Variants in AMZ2 observed in about 807,000 individuals in gnomAD.
AMZ2 encodes archaemetzincin-2.
In AMZ2, 26 loss-of-function variants were observed where a neutral mutation model predicts 36.7. The ratio of observed to expected loss-of-function variants is 0.71; its 90% CI spans 0.52 to 0.98. AMZ2 has a LOEUF of 0.98. AMZ2 is among the 50% of genes least tolerant of loss of function. The pLI is 0.00. For missense variants in AMZ2, 394 were observed against 430.5 expected, an observed-to-expected ratio of 0.92 and a Z score of 0.75; for synonymous variants, 144 against 149.1, an observed-to-expected ratio of 0.97 and a Z score of 0.25.
intron 1 of AMZ2, chr17:68,248,935 C>A (rs377321950): frequency 1.4e-6 from 1 of 694,478 alleles, no homozygotes; most frequent in African/African-American, 1.9e-5. Context: ...ATTAAACTGG[C>A]AAAATCTAAA....
intron 1 of AMZ2, among the ~76,000 whole-genome samples, chr17:68,232,222 C>T (rs1373389463): frequency 2.0e-5 from 3 of 151,024 alleles, no homozygotes; most frequent in Non-Finnish European, 4.4e-5. Context: ...TAGGGCTGGA[C>T]GTGATGTCTC....
At chr17:68,233,811 T>A (rs1315277754) in intron 1 of AMZ2, among the ~76,000 whole-genome samples, 1 of 152,030 alleles carries the variant, frequency 6.6e-6, no homozygotes, top group Non-Finnish European at 1.5e-5. Context: ...AGCCTCAACC[T>A]CCTGAGCCCA....
intron 1 of AMZ2, among the ~76,000 whole-genome samples, chr17:68,239,396 G>T (rs1309737875): frequency 6.6e-6 from 1 of 152,060 alleles, no homozygotes; most frequent in Non-Finnish European, 1.5e-5. Flanking sequence ...ATTTCCTCAG[G>T]GCAGTTGATA....
At chr17:68,247,309 C>A (rs1555736022), upstream of AMZ2, 2 of 138,000 alleles carry the variant, frequency 1.4e-5, no homozygotes, top group Admixed American at 8.1e-5. Flanking sequence ...GCACTCCAGC[C>A]TGGGCAACAG....
rs1555728656 is a variant in AMZ2, at chr17:68,221,895, A to T, written c.-67+15657A>T. Among the ~76,000 whole-genome samples, 6 of 152,328 alleles carry T rather than the reference A, an allele frequency of 3.9e-5. No individual in the cohort carries two copies. The South Asian group carries it at 1.0e-3, about 26-fold the overall frequency. On this transcript the variant is annotated intron_variant, in intron 1 of 7. Coordinates refer to the AMZ2 transcript ENST00000674770. ...GACAGAGTGAGACTCCATCTCAAAG[A>T]AAAAGAAAAACAAGAAGCAGAATGA...
At position 68,256,854 on chromosome 17, in the gene AMZ2, C is replaced by G; in HGVS notation, c.968C>G (p.Pro323Arg). 6.2e-7 allele frequency: 1 copy of G among 1,613,990 alleles called. No individual in the cohort carries two copies. Residue 323 changes from proline (P) to arginine (R), a missense_variant, in exon 7 of 7, where the codon CCT (proline) becomes CGT (arginine). Physicochemically the swap from Pro to Arg is moderately radical, Grantham distance 103. Transcript: ENST00000359904. ...ATTGATGATGAATCTTCTGACACAC[C>G]TGGAGCAACTCCAGAACACAGTCAC... Reference protein sequence around the residue: ...RWIDDESSDTPGATPEHSHED... With the variant: ...RWIDDESSDTRGATPEHSHED...
At chr17:68,249,171 G>A (rs2074252019) in intron 1 of AMZ2, 3 of 1,015,938 alleles carry the variant, frequency 3.0e-6, no homozygotes, top group Non-Finnish European at 3.7e-6. Flanking sequence ...AACTTCAGTG[G>A]CTAAGCTGTA....
chr17:68,253,284 GAGGAAGTTTGTTTTTGAATCAA>G (rs2074627948), intron 4 of AMZ2, among the ~76,000 whole-genome samples: 1 of 152,196 alleles, frequency 6.6e-6, no homozygotes, highest in East Asian at 1.9e-4. Flanking sequence ...AAAGGGAGGT[GAGGAAGTTTGTTTTTGAATCAA>G]ATTAGATTGG....
intron 1 of AMZ2, among the ~76,000 whole-genome samples, chr17:68,232,495 C>CAAA (rs139890887): frequency 0.027 from 2,890 of 106,802 alleles, 108 homozygotes; most frequent in African/African-American, 0.087. Context: ...GACCCTATCT[C>CAAA]AAAAAAAAAA....
intron 2 of AMZ2, 25 bp downstream of exon 2, chr17:68,250,495 T>A: frequency 6.2e-7 from 1 of 1,607,168 alleles, no homozygotes; most frequent in South Asian, 1.1e-5. Context: ...TGTGCTGGTT[T>A]TGGTTCAGTT....
chr17:68,240,629 A>C (rs2073882919), intron 1 of AMZ2, among the ~76,000 whole-genome samples: 1 of 152,244 alleles, frequency 6.6e-6, no homozygotes. Flanking sequence ...AGTGAGCCAC[A>C]AAATGAATGG....
At chr17:68,210,156 C>T (rs1338712763) in intron 1 of AMZ2, among the ~76,000 whole-genome samples, 1 of 152,118 alleles carries the variant, frequency 6.6e-6, no homozygotes, top group Admixed American at 6.5e-5. Context: ...CTTAGAGCTA[C>T]TATATGACCC....
intron 1 of AMZ2, among the ~76,000 whole-genome samples, chr17:68,228,504 C>T (rs1168419349): frequency 6.6e-6 from 1 of 152,214 alleles, no homozygotes; most frequent in East Asian, 1.9e-4. Context: ...CTGTCCCTTC[C>T]TGAGCCCTGC....
At chr17:68,232,495 C>CAAAAA (rs139890887) in intron 1 of AMZ2, among the ~76,000 whole-genome samples, 1 of 106,904 alleles carries the variant, frequency 9.4e-6, no homozygotes, top group African/African-American at 3.6e-5. Context: ...GACCCTATCT[C>CAAAAA]AAAAAAAAAA....
intron 6 of AMZ2, among the ~76,000 whole-genome samples, chr17:68,256,100 A>G (rs782242553): frequency 3.9e-5 from 6 of 152,208 alleles, no homozygotes; most frequent in Non-Finnish European, 7.3e-5. Context: ...TAGTGGAAGA[A>G]GTTTCTTTGC....
chr17:68,229,063 C>G (rs1411589960), intron 1 of AMZ2, among the ~76,000 whole-genome samples: 2 of 152,092 alleles, frequency 1.3e-5, no homozygotes, highest in Non-Finnish European at 2.9e-5. Context: ...TTGGCAGCTG[C>G]CCTTGCTGCC....
intron 1 of AMZ2, among the ~76,000 whole-genome samples, chr17:68,214,542 C>A (rs1452098201): frequency 6.6e-6 from 1 of 152,140 alleles, no homozygotes; most frequent in African/African-American, 2.4e-5. Flanking sequence ...AGAGACTAGA[C>A]CTTTGGCAGC....
chr17:68,211,032 A>C (rs1484338940), intron 1 of AMZ2, among the ~76,000 whole-genome samples: 1 of 152,140 alleles, frequency 6.6e-6, no homozygotes, highest in Non-Finnish European at 1.5e-5. Flanking sequence ...AATTATTTGA[A>C]AGAAGCCACA....
rs2073761946 is a variant in AMZ2, at chr17:68,235,380, T to C, written c.-66-13260T>C. On this transcript the variant is annotated intron_variant, in intron 1 of 7. Coordinates refer to the AMZ2 transcript ENST00000674770. This position sits in a 1 kb window ranked among gnomAD's most constrained non-coding sequence, Gnocchi z 4.2. ...AAGCCTGTGGGCCAGAGGTTCTTAT[T>C]GTTCATACCCCTGGATAAACACACT... Among the ~76,000 whole-genome samples, 1 of 152,230 alleles carries C rather than the reference T, an allele frequency of 6.6e-6. No individual in the cohort carries two copies. The highest frequency in any genetic ancestry group is 1.5e-5 in the Non-Finnish European group (1 of 68,042).
Sources: allele counts gnomAD v4.1 joint callset (sites outside exome capture counted in the v4.1 genomes callset), GRCh38; gene constraint gnomAD v4.1.1; non-coding constraint Gnocchi (gnomAD v3.1); transcripts MANE v1.5; gene names NCBI Gene and HGNC (gene_info 2026-07-23, HGNC 2026-07-21).